IGHMBP2: variants seen among roughly 807,000 people sequenced by gnomAD.
The protein encoded by IGHMBP2 is DNA-binding protein SMUBP-2.
IGHMBP2 carries 81 observed loss-of-function variants against 96.0 expected under a neutral mutation model. The observed-to-expected ratio is 0.84, with a 90% confidence interval of 0.71 to 1.01. The LOEUF is 1.01. Among genes scored for constraint, IGHMBP2 ranks in the 50% least tolerant of loss-of-function variants. The pLI is 0.00. For missense variants in IGHMBP2, 1,227 were observed against 1,306.3 expected (o/e 0.94, Z 0.94); for synonymous variants, 557 against 548.9 (o/e 1.01, Z -0.21).
In IGHMBP2 at chr11:68,914,694, A is replaced by G; in HGVS notation, c.712-129A>G. The G allele has an allele frequency of 5.1e-6, 5 of 978,502 alleles. No individual in the cohort carries two copies. The South Asian group carries it at 6.5e-5, about 13-fold the overall frequency. 60.6% of individuals were successfully genotyped at this position (978,502 alleles called of 1,614,324 possible). On this transcript the variant is annotated intron_variant, in intron 5 of 14. Transcript: ENST00000255078. ...CGTGGGCTTGGAAAATGAATGCAAGATTTGATTGAGAGCACGTGTGTACAT... is the reference window on the plus strand; with the variant it reads ...CGTGGGCTTGGAAAATGAATGCAAGGTTTGATTGAGAGCACGTGTGTACAT...
Position 68,933,804 on chromosome 11 carries a change from A to G in IGHMBP2, c.1428A>G (p.Pro476=), listed in dbSNP as rs758501779. The change falls in exon 10 of 15, where the codon CCA becomes CCG. Residue 476 remains proline (P), a synonymous_variant. Coordinates refer to ENST00000255078, the MANE Select transcript of IGHMBP2 (RefSeq NM_002180.3). Reference sequence around the variant, plus strand: ...TCTGCCTGTGTGCCAGGGACCTCCCAGGTGTGGCTGCCACAGAAGAGACGG... The same window carrying G: ...TCTGCCTGTGTGCCAGGGACCTCCCGGGTGTGGCTGCCACAGAAGAGACGG... ...SVARHLLRDL[P]GVAATEETGV... is the part of the protein sequence containing the mutation. 30 of 1,611,226 alleles carry G rather than the reference A, an allele frequency of 1.9e-5. No homozygotes were observed. The South Asian group carries it at 3.1e-4, about 17-fold the overall frequency.
intron 1 of IGHMBP2, among the ~76,000 whole-genome samples, chr11:68,905,736 A>T (rs551914742): frequency 1.3e-5 from 2 of 152,264 alleles, no homozygotes; most frequent in Admixed American, 6.5e-5. Context: ...TGTGGATTTG[A>T]ACCGGGGCTG....
intron 1 of IGHMBP2, 152 bp from the exon 2 acceptor site, chr11:68,905,917 T>C (rs1858172328): frequency 1.2e-6 from 1 of 800,596 alleles, no homozygotes. Flanking sequence ...AGGAGCGGGA[T>C]TGGGAGTGGA....
chr11:68,929,415 A>C, intron 8 of IGHMBP2, 58 bp downstream of exon 8: 1 of 1,522,604 alleles, frequency 6.6e-7, no homozygotes, highest in Non-Finnish European at 9.0e-7. Context: ...CGGTCCTTCC[A>C]CGCTCAGCCA....
rs1284038034 is a variant in IGHMBP2, at chr11:68,937,021, G to T, written c.2541G>T (p.Gln847His). ...RLQRVRSAQG[Q>H]PASKEQQASG... is the part of the protein sequence containing the mutation. ...AGAGGGTCAGGAGCGCGCAGGGGCA[G>T]CCCGCCAGCAAGGAGCAGCAGGCCT... The change falls in exon 13 of 15, where the codon CAG (glutamine) becomes CAT (histidine). Residue 847 changes from glutamine to histidine, a missense_variant. Physicochemically the swap from Gln to His is conservative, Grantham distance 24. Around this residue, in one of 3 missense-constraint regions of IGHMBP2, gnomAD observed 703 missense variants for 770.3 expected, o/e 0.91. Transcript: ENST00000255078. 1 of 1,608,100 alleles carries T rather than the reference G, an allele frequency of 6.2e-7. No individual in the cohort carries two copies. The highest frequency in any genetic ancestry group is 2.2e-5 in the East Asian group (1 of 44,872).
At chr11:68,922,864 T>C (rs1858931508) in intron 7 of IGHMBP2, among the ~76,000 whole-genome samples, 1 of 152,242 alleles carries the variant, frequency 6.6e-6, no homozygotes, top group Admixed American at 6.5e-5. Context: ...TTCACTAATT[T>C]CCTTCTTTCA....
intron 4 of IGHMBP2, among the ~76,000 whole-genome samples, chr11:68,909,085 C>T (rs993617111): frequency 6.6e-6 from 1 of 151,004 alleles, no homozygotes; most frequent in Non-Finnish European, 1.5e-5. Flanking sequence ...ATGATCCACC[C>T]GCCTTGGCCT....
rs577924460 is a variant in IGHMBP2, at chr11:68,936,334, C to A, written c.1854C>A (p.Asn618Lys). The A allele has an allele frequency of 1.9e-6, 3 of 1,614,232 alleles. No individual in the cohort carries two copies. The South Asian group carries it at 3.3e-5, about 18-fold the overall frequency. The change falls in exon 13 of 15, where the codon AAC becomes AAA. Residue 618 changes from asparagine to lysine, a missense_variant. Coordinates refer to ENST00000255078, the MANE Select transcript of IGHMBP2 (RefSeq NM_002180.3). ...VAVICDSRTV[N>K]NHAFLKTLVE... ...TCATCTGTGACTCCCGTACTGTCAACAACCATGCATTTTTGAAGACCCTGG... is the reference window on the plus strand; with the variant it reads ...TCATCTGTGACTCCCGTACTGTCAAAAACCATGCATTTTTGAAGACCCTGG...
At position 68,934,073 on chromosome 11, in the gene IGHMBP2, C is replaced by T. The variant is rs77371136; in HGVS notation, c.1537+160C>T. The T allele has an allele frequency of 4.3e-3, 2,980 of 688,588 alleles. 55 individuals are homozygous for T. The African/African-American group carries it at 0.047, about 11-fold the overall frequency. 42.7% of individuals were successfully genotyped at this position (688,588 alleles called of 1,614,324 possible). ...CACACTGCAAGAGGCTGAGCAGCAT[C>T]GTTTTCTCCAGGGTGAGCAGACCGC... is the stretch of plus-strand genomic sequence containing the variant. On this transcript the variant is annotated intron_variant, in intron 10 of 14. Coordinates refer to ENST00000255078, the MANE Select transcript of IGHMBP2 (RefSeq NM_002180.3).
At chr11:68,914,677 T>A in intron 5 of IGHMBP2, 146 bp from the exon 6 acceptor site, 1 of 873,832 alleles carries the variant, frequency 1.1e-6, no homozygotes. Flanking sequence ...CACGTGGGCT[T>A]GGAAAATGAA....
At chr11:68,935,827 A>G (rs1158614535) in intron 12 of IGHMBP2, among the ~76,000 whole-genome samples, 2 of 152,258 alleles carry the variant, frequency 1.3e-5, no homozygotes, top group Non-Finnish European at 2.9e-5. Context: ...CATTGTTCCC[A>G]GAAGCAGGTT....
chr11:68,928,676 G>T (rs1312904309), intron 7 of IGHMBP2, among the ~76,000 whole-genome samples: 2 of 152,172 alleles, frequency 1.3e-5, no homozygotes, highest in Non-Finnish European at 2.9e-5. Context: ...ACAGCGTGGG[G>T]CCTGAGTCTT....
Position 68,929,775 on chromosome 11 carries a change from CAG to C in IGHMBP2, c.1235+422_1235+423del, listed in dbSNP as rs1238327802. 5 of 985,158 alleles carry C rather than the reference CAG, an allele frequency of 5.1e-6. No individual in the cohort carries two copies. The African/African-American group carries it at 8.7e-5, about 17-fold the overall frequency. The allele number at this position is 985,158 out of a possible 1,614,324, so 61.0% of individuals were successfully genotyped here. ...ACATCCCTGGATGGAGGGCACTGGG[CAG>C]AGACTCAGCAAACCATGGTTCTGCC... On this transcript the variant is annotated intron_variant, in intron 8 of 14. Coordinates refer to ENST00000255078, the MANE Select transcript of IGHMBP2 (RefSeq NM_002180.3).
intron 8 of IGHMBP2, chr11:68,929,823 T>C: frequency 2.0e-6 from 2 of 985,108 alleles, no homozygotes; most frequent in Non-Finnish European, 2.4e-6. Context: ...ACCGGAGCCC[T>C]GATGCAGTGG....
At chr11:68,915,531 G>A (rs1566430716) in intron 6 of IGHMBP2, among the ~76,000 whole-genome samples, 1 of 151,336 alleles carries the variant, frequency 6.6e-6, no homozygotes, top group Non-Finnish European at 1.5e-5. Flanking sequence ...CACCCAGGCC[G>A]GAGTGTAGTG....
chr11:68,904,803 C>CTTTTCTTTTT lies in IGHMBP2; in HGVS notation c.86+769_86+770insCTTTTTTTTT, dbSNP rs892709461. ...GTGTAAGTTTCTTTTTTTTCTTTTT[C>CTTTTCTTTTT]TTTTTTTTTTTTTTAGACAGAGTCT... On this transcript the variant is annotated intron_variant, in intron 1 of 14. Transcript: ENST00000255078. Among the ~76,000 whole-genome samples the CTTTTCTTTTT allele has an allele frequency of 5.4e-4, 65 of 120,980 alleles. 15 individuals are homozygous for CTTTTCTTTTT. The highest frequency in any genetic ancestry group is 6.3e-4 in the Admixed American group (7 of 11,076). 79.4% of individuals were successfully genotyped at this position (120,980 alleles called of 152,430 possible).
Position 68,929,172 on chromosome 11 carries a change from G to C in IGHMBP2, c.1061-11G>C. The C allele has an allele frequency of 6.2e-7, 1 of 1,611,454 alleles. No individual in the cohort carries two copies. Among genetic ancestry groups the C allele is most frequent in the South Asian group, 1.1e-5 (1 of 91,080 alleles). On this transcript the variant is annotated splice_polypyrimidine_tract_variant and intron_variant, in intron 7 of 14. Coordinates refer to ENST00000255078, the MANE Select transcript of IGHMBP2 (RefSeq NM_002180.3). ...TGCCCCTGGAGACTCCCGGCTCCCT[G>C]TTTCCACCAGGTGCGTCTGCCGATG... is the stretch of plus-strand genomic sequence containing the variant.
chr11:68,904,792 T>TTTTCTTTTTC lies in IGHMBP2; in HGVS notation c.86+757_86+758insCTTTTTCTTT, dbSNP rs1241735398. On this transcript the variant is annotated intron_variant, in intron 1 of 14. Coordinates refer to ENST00000255078, the MANE Select transcript of IGHMBP2 (RefSeq NM_002180.3). ...CCAACCCTACAGTGTAAGTTTCTTTTTTTTCTTTTTCTTTTTTTTTTTTTT... is the reference window on the plus strand; with the variant it reads ...CCAACCCTACAGTGTAAGTTTCTTTTTTTCTTTTTCTTTTCTTTTTCTTTTTTTTTTTTTT... Among the ~76,000 whole-genome samples the TTTTCTTTTTC allele has an allele frequency of 1.4e-3, 103 of 74,376 alleles. 1 individual carries two copies. The highest frequency in any genetic ancestry group is 0.013 in the Middle Eastern group (2 of 160). 48.8% of individuals were successfully genotyped at this position (74,376 alleles called of 152,430 possible).
chr11:68,937,112 T>G lies in IGHMBP2; in HGVS notation c.2611+21T>G, dbSNP rs1859577629. Reference sequence around the variant, plus strand: ...CAAAGGTAAGTCAACTAATAAGAACTTGGGGCAGTGTCCCCTCACTGGGGT... The same window carrying G: ...CAAAGGTAAGTCAACTAATAAGAACGTGGGGCAGTGTCCCCTCACTGGGGT... On this transcript the variant is annotated intron_variant, in intron 13 of 14. Transcript: ENST00000255078. 4.4e-6 allele frequency: 7 copies of G among 1,595,966 alleles called. No homozygotes were observed. The East Asian group carries it at 1.6e-4, about 36-fold the overall frequency.
Sources: allele counts gnomAD v4.1 joint callset (sites outside exome capture counted in the v4.1 genomes callset), GRCh38; gene constraint gnomAD v4.1.1; regional missense constraint gnomAD v4.1.1; transcripts MANE v1.5; gene names NCBI Gene and HGNC (gene_info 2026-07-23, HGNC 2026-07-21).